Variants in ALX4 observed in about 807,000 individuals in gnomAD.
The protein encoded by ALX4 is homeobox protein aristaless-like 4.
ALX4 carries 22 observed loss-of-function variants against 40.6 expected under a neutral mutation model. The ratio of observed to expected loss-of-function variants is 0.54; its 90% CI spans 0.39 to 0.77. The LOEUF is 0.77. ALX4 is among the 30% of genes least tolerant of loss of function. The pLI is 0.00. For synonymous variants in ALX4, 266 were observed against 240.5 expected (o/e 1.11, Z -0.98); for missense variants, 556 against 564.8 (o/e 0.98, Z 0.16).
chr11:44,269,556 A>G (rs1956233134), intron 2 of ALX4, among the ~76,000 whole-genome samples: 1 of 152,198 alleles, frequency 6.6e-6, no homozygotes. Context: ...ACGCACGTGC[A>G]TGTGTGCACA....
intron 1 of ALX4, among the ~76,000 whole-genome samples, chr11:44,284,227 G>C (rs2119832864): frequency 6.6e-6 from 1 of 150,662 alleles, no homozygotes; most frequent in South Asian, 2.1e-4. Flanking sequence ...TGGGGGGCGG[G>C]GCGGGGCTGG....
intron 2 of ALX4, among the ~76,000 whole-genome samples, chr11:44,271,442 C>T (rs1166565702): frequency 6.6e-6 from 1 of 152,202 alleles, no homozygotes; most frequent in Non-Finnish European, 1.5e-5. Flanking sequence ...GTGATCATTT[C>T]CAGCACTACC....
chr11:44,282,970 G>A (rs556491524), intron 1 of ALX4, among the ~76,000 whole-genome samples: 1 of 152,180 alleles, frequency 6.6e-6, no homozygotes, highest in African/African-American at 2.4e-5. Context: ...ACAGCTGGGC[G>A]TGGTGGCTTG....
chr11:44,265,764 T>C (rs909823122), intron 3 of ALX4, among the ~76,000 whole-genome samples: 1 of 151,884 alleles, frequency 6.6e-6, no homozygotes, highest in Non-Finnish European at 1.5e-5. Flanking sequence ...CAGAACTAAC[T>C]CAGGATGGAA....
rs1355757602 is a variant in ALX4 at position 44,309,978 on chromosome 11, C to T, written c.85G>A (p.Glu29Lys). ...AATGCCCTAAAAGGCGACGAGCCCT[C>T]CCGACTCTGCGACACCGGGCTGTAG... Reference protein sequence around the residue: ...AYYSPVSQSREGSSPFRAFPG... With the variant: ...AYYSPVSQSRKGSSPFRAFPG... Residue 29 changes from glutamate to lysine, a missense_variant, in exon 1 of 4, where the codon GAG becomes AAG. Coordinates refer to ENST00000652299, the MANE Select transcript of ALX4 (RefSeq NM_021926.4). 1 of 1,599,048 alleles carries T rather than the reference C, an allele frequency of 6.3e-7. No homozygotes were observed. The highest frequency in any genetic ancestry group is 1.3e-5 in the African/African-American group (1 of 74,780).
chr11:44,267,355 A>G, intron 3 of ALX4, 139 bp downstream of exon 3: 1 of 1,149,250 alleles, frequency 8.7e-7, no homozygotes, highest in Non-Finnish European at 1.2e-6. Context: ...TGGTATAAAC[A>G]GGCACACCCC....
chr11:44,293,152 GAAGGAAGGAAGGAAGGAAGCAGGC>G (rs1565007452), intron 1 of ALX4, among the ~76,000 whole-genome samples: 13 of 73,558 alleles, frequency 1.8e-4, no homozygotes, highest in African/African-American at 3.9e-4. Context: ...AGGAAGGAAG[GAAGGAAGGAAGGAAGGAAGCAGGC>G]AGGCAGGGAG....
chr11:44,309,155 C>CCCGCAGCCCCGCAGCG (rs1956488028), intron 1 of ALX4, among the ~76,000 whole-genome samples: 1 of 82,822 alleles, frequency 1.2e-5, no homozygotes, highest in Admixed American at 1.2e-4. Flanking sequence ...GTCCTGCTGT[C>CCCGCAGCCCCGCAGCG]CCGCAGCCCC....
rs767658097 is a variant in ALX4 at position 44,310,033 on chromosome 11, G to T, written c.30C>A (p.Cys10Ter). The T allele has an allele frequency of 7.5e-6, 12 of 1,601,366 alleles. No individual in the cohort carries two copies. The highest frequency in any genetic ancestry group is 1.0e-5 in the Non-Finnish European group (12 of 1,174,394). The change falls in exon 1 of 4, where the codon TGC becomes TGA. Residue 10 changes from cysteine (C) to a stop codon, truncating the protein, a stop_gained. Transcript: ENST00000652299. LOFTEE classifies it high-confidence loss of function. Reference protein sequence around the residue: MNAETCVSYCESPAAAMDAY... With the variant: MNAETCVSY The stretch of plus-strand genomic sequence containing the variant: ...CGTCCATGGCAGCGGCCGGCGACTC[G>T]CAGTAAGAGACGCAAGTCTCAGCAT...
rs1222098165 is a variant in ALX4 at position 44,262,728 on chromosome 11, G to A, written c.*2126C>T. 2.6e-5 allele frequency: 4 copies of A among 152,218 alleles called. No individual in the cohort carries two copies. The highest frequency in any genetic ancestry group is 9.7e-5 in the African/African-American group (4 of 41,408). 9.4% of individuals were successfully genotyped at this position (152,218 alleles called of 1,614,324 possible). A position where few individuals can be genotyped will look rare whatever the true frequency, so the allele number is the denominator to read the frequency against. On this transcript the variant is annotated 3_prime_UTR_variant, in exon 4 of 4. Coordinates refer to ENST00000652299, the MANE Select transcript of ALX4 (RefSeq NM_021926.4). ...CTCTCATGGGTGAGAAAGACCCAAG[G>A]TGAAAGTTCCTTCCTTCCCCATCCT... is the stretch of plus-strand genomic sequence containing the variant.
At chr11:44,297,488 C>T (rs938978180) in intron 1 of ALX4, among the ~76,000 whole-genome samples, 3 of 151,800 alleles carry the variant, frequency 2.0e-5, no homozygotes, top group African/African-American at 4.8e-5. Context: ...GAGGCTGAGG[C>T]GGGAGGATCA....
intron 2 of ALX4, among the ~76,000 whole-genome samples, chr11:44,271,983 G>A (rs1956250846): frequency 6.6e-6 from 1 of 152,194 alleles, no homozygotes; most frequent in Non-Finnish European, 1.5e-5. Context: ...CCCATAACCA[G>A]CTATGCCCCT....
intron 1 of ALX4, among the ~76,000 whole-genome samples, chr11:44,303,210 G>A (rs149216600): frequency 2.6e-5 from 4 of 152,280 alleles, no homozygotes; most frequent in African/African-American, 4.8e-5. Flanking sequence ...TACGAGGTGC[G>A]TGGGGCCAAC....
chr11:44,266,638 G>C (rs1158070756), intron 3 of ALX4, among the ~76,000 whole-genome samples: 1 of 152,204 alleles, frequency 6.6e-6, no homozygotes, highest in Admixed American at 6.5e-5. Flanking sequence ...GGGAGCTGAG[G>C]TGGAGGCCAT....
At chr11:44,290,130 T>A (rs1020048746) in intron 1 of ALX4, among the ~76,000 whole-genome samples, 1 of 152,214 alleles carries the variant, frequency 6.6e-6, no homozygotes, top group Admixed American at 6.5e-5. Context: ...CTAAACCATG[T>A]GGCCCTGGGC....
intron 1 of ALX4, among the ~76,000 whole-genome samples, chr11:44,299,640 A>G (rs1565009682): frequency 2.0e-5 from 3 of 152,096 alleles, no homozygotes; most frequent in African/African-American, 4.8e-5. Flanking sequence ...GATTACGGGC[A>G]TGAGCCACTG....
chr11:44,299,153 C>T lies in ALX4; in HGVS notation c.466+10444G>A, dbSNP rs141219454. On this transcript the variant is annotated intron_variant, in intron 1 of 3. Coordinates refer to ENST00000652299, the MANE Select transcript of ALX4 (RefSeq NM_021926.4). ...TTCCTGAAACTTCTGGAAACTCATGCAGTCATTCCTCATACCAGCTATGAG... is the reference window on the plus strand; with the variant it reads ...TTCCTGAAACTTCTGGAAACTCATGTAGTCATTCCTCATACCAGCTATGAG... Among the ~76,000 whole-genome samples, 221 of 152,282 alleles carry T rather than the reference C, an allele frequency of 1.5e-3. 1 individual carries two copies. The highest frequency in any genetic ancestry group is 5.0e-3 in the African/African-American group (207 of 41,550).
At chr11:44,300,119 G>C (rs746067654) in intron 1 of ALX4, among the ~76,000 whole-genome samples, 2 of 152,122 alleles carry the variant, frequency 1.3e-5, no homozygotes, top group Non-Finnish European at 1.5e-5. Flanking sequence ...CTTAACCTTT[G>C]GCAGACTGGA....
At chr11:44,290,594 A>T (rs572464008) in intron 1 of ALX4, among the ~76,000 whole-genome samples, 63 of 152,302 alleles carry the variant, frequency 4.1e-4, no homozygotes, top group African/African-American at 1.5e-3. Flanking sequence ...TGAAGCAGCA[A>T]TGTTGTTGGA....
Sources: allele counts gnomAD v4.1 joint callset (sites outside exome capture counted in the v4.1 genomes callset), GRCh38; gene constraint gnomAD v4.1.1; transcripts MANE v1.5; gene names NCBI Gene and HGNC (gene_info 2026-07-23, HGNC 2026-07-21).